Variants in ELN observed in about 807,000 individuals in gnomAD.
ELN encodes the protein tropoelastin.
A neutral mutation model predicts 105.8 loss-of-function variants in ELN; 65 were observed. That is an observed-to-expected ratio of 0.61 (90% CI 0.50 to 0.75). The LOEUF (loss-of-function observed/expected upper bound fraction) is 0.75, where lower values mean the gene tolerates loss of function less well. ELN is among the 30% of genes least tolerant of loss of function. The pLI, the probability that ELN is intolerant of heterozygous loss-of-function variation, is 0.00. For missense variants in ELN, 882 were observed against 969.4 expected, an observed-to-expected ratio of 0.91 and a Z score of 1.20; for synonymous variants, 368 against 389.2, an observed-to-expected ratio of 0.95 and a Z score of 0.64.
chr7:74,053,733 T>C (rs1307022675), intron 18 of ELN, among the ~76,000 whole-genome samples: 5 of 148,324 alleles, frequency 3.4e-5, no homozygotes, highest in Non-Finnish European at 7.4e-5. Flanking sequence ...GGTGGGTGGA[T>C]GGATGGATGG....
chr7:74,049,839 T>A (rs1427914320), intron 15 of ELN, among the ~76,000 whole-genome samples: 2 of 150,796 alleles, frequency 1.3e-5, no homozygotes, highest in Non-Finnish European at 3.0e-5. Flanking sequence ...TATCCATCCA[T>A]CCATTCATCC....
chr7:74,069,624 A>G lies in ELN; in HGVS notation c.*924A>G, dbSNP rs1175182962. 5 of 232,926 alleles carry G rather than the reference A, an allele frequency of 2.1e-5. No individual in the cohort carries two copies. The allele number at this position is 232,926 out of a possible 1,614,324, so 14.4% of individuals were successfully genotyped here. ...AGCAGTTCCCATTCCTGCCCCGCCC[A>G]TCTTTTTGTGTCTCGCTGTGATAGA... On this transcript the variant is annotated 3_prime_UTR_variant, in exon 33 of 33. Coordinates refer to ENST00000252034, the MANE Select transcript of ELN (RefSeq NM_000501.4).
At chr7:74,053,069 C>G (rs533244314) in intron 17 of ELN, 94 bp from the exon 18 acceptor site, 1 of 1,586,748 alleles carries the variant, frequency 6.3e-7, no homozygotes, top group South Asian at 1.1e-5. Context: ...ATCCTGCATT[C>G]AGGACCAACT....
chr7:74,041,354 G>A (rs1791177087), intron 5 of ELN, 103 bp downstream of exon 5: 1 of 1,472,074 alleles, frequency 6.8e-7, no homozygotes, highest in African/African-American at 1.4e-5. Context: ...GTGCAGGCCA[G>A]GTTCCGTCCT....
intron 1 of ELN, among the ~76,000 whole-genome samples, chr7:74,031,110 G>A (rs551501177): frequency 6.3e-4 from 96 of 152,314 alleles, no homozygotes; most frequent in Non-Finnish European, 1.2e-3. Flanking sequence ...CCCCAGGCTC[G>A]CTCCCAAACA....
intron 1 of ELN, among the ~76,000 whole-genome samples, chr7:74,029,255 G>A (rs1340562210): frequency 2.6e-5 from 4 of 152,082 alleles, no homozygotes; most frequent in Admixed American, 2.0e-4. Flanking sequence ...AAGGCGGGCT[G>A]GAGAAGGTGT....
intron 1 of ELN, among the ~76,000 whole-genome samples, chr7:74,030,279 G>T (rs1253001599): frequency 6.6e-6 from 1 of 152,160 alleles, no homozygotes; most frequent in Admixed American, 6.5e-5. Flanking sequence ...GGGGAGCCTG[G>T]CTTCTCCCTC....
rs1797278506 is a variant in ELN at position 74,063,825 on chromosome 7, A to T, written c.1993+130A>T. On this transcript the variant is annotated intron_variant, in intron 29 of 32. Transcript: ENST00000252034. The surrounding 1 kb of genome is among the most constrained non-coding windows in gnomAD (Gnocchi z 4.1). ...CTTTGCTCAAGATGTCCTCTTGGCCAGGTGCGGTGGCTCACGCCTGCAATC... is the reference window on the plus strand; with the variant it reads ...CTTTGCTCAAGATGTCCTCTTGGCCTGGTGCGGTGGCTCACGCCTGCAATC... 7.6e-7 allele frequency: 1 copy of T among 1,314,204 alleles called. No individual in the cohort carries two copies. The highest frequency in any genetic ancestry group is 1.1e-6 in the Non-Finnish European group (1 of 925,368). The allele number at this position is 1,314,204 out of a possible 1,614,324, so 81.4% of individuals were successfully genotyped here.
chr7:74,048,766 C>T (rs1246422147), intron 15 of ELN, among the ~76,000 whole-genome samples: 1 of 152,008 alleles, frequency 6.6e-6, no homozygotes, highest in Admixed American at 6.5e-5. Flanking sequence ...TTACTTTCTC[C>T]ATCCCTCCCT....
chr7:74,030,433 T>A (rs1788406831), intron 1 of ELN, among the ~76,000 whole-genome samples: 1 of 149,524 alleles, frequency 6.7e-6, no homozygotes, highest in African/African-American at 2.5e-5. Flanking sequence ...CCAGGGATAA[T>A]TCTTCCCCAT....
chr7:74,066,382 C>T (rs1473328030), intron 31 of ELN, among the ~76,000 whole-genome samples: 1 of 152,014 alleles, frequency 6.6e-6, no homozygotes, highest in Admixed American at 6.6e-5. Flanking sequence ...GTCTGGTCAA[C>T]ATGGTGAAAC....
Position 74,032,778 on chromosome 7 carries a change from G to T in ELN, c.83-2586G>T, listed in dbSNP as rs574067127. ...AGAAAGGAAGTCAGGGTTCAGCCAG[G>T]CCCAGGGGCTCAACAAGCCCAAGGC... On this transcript the variant is annotated intron_variant, in intron 1 of 32. Transcript: ENST00000252034. Among the ~76,000 whole-genome samples the T allele has an allele frequency of 7.2e-5, 11 of 152,268 alleles. 1 individual carries two copies. In the South Asian group the frequency reaches 2.3e-3, roughly 32 times the overall value.
chr7:74,029,731 C>T (rs1003488765), intron 1 of ELN, among the ~76,000 whole-genome samples: 2 of 152,232 alleles, frequency 1.3e-5, no homozygotes, highest in Admixed American at 6.5e-5. Context: ...TCTCAGCCTC[C>T]TCCCCAGGTG....
At chr7:74,055,407 A>G (rs1171047715) in intron 19 of ELN, among the ~76,000 whole-genome samples, 3 of 152,032 alleles carry the variant, frequency 2.0e-5, no homozygotes, top group Non-Finnish European at 2.9e-5. Flanking sequence ...AAGACCCCAT[A>G]AATAAAATAA....
At chr7:74,067,757 C>T (rs1196569224) in intron 32 of ELN, among the ~76,000 whole-genome samples, 2 of 140,906 alleles carry the variant, frequency 1.4e-5, no homozygotes, top group Admixed American at 7.0e-5. Flanking sequence ...AGCAAGACTC[C>T]GTCTCAAAAA....
rs1798669620 is a variant in ELN, at chr7:74,069,734, T to C, written c.*1034T>C. 1.7e-5 allele frequency: 4 copies of C among 229,510 alleles called. No individual in the cohort carries two copies. The highest frequency in any genetic ancestry group is 3.5e-5 in the Non-Finnish European group (4 of 115,814). 14.2% of individuals were successfully genotyped at this position (229,510 alleles called of 1,614,324 possible). ...TCTCTTTTGGTTTTATTGTTGTGGTTCATTGAAAAAAAAAGATAATTTTTT... is the reference window on the plus strand; with the variant it reads ...TCTCTTTTGGTTTTATTGTTGTGGTCCATTGAAAAAAAAAGATAATTTTTT... On this transcript the variant is annotated 3_prime_UTR_variant, in exon 33 of 33. Transcript: ENST00000252034.
rs981561187 is a variant in ELN, at chr7:74,068,314, A to G, written c.2132-343A>G. On this transcript the variant is annotated intron_variant, in intron 32 of 32. Coordinates refer to ENST00000252034, the MANE Select transcript of ELN (RefSeq NM_000501.4). ...CAGACACTGACTCTCCCTTCATCCCATGTTCCTTGATGGAGCTGCTCTTAG... is the reference window on the plus strand; with the variant it reads ...CAGACACTGACTCTCCCTTCATCCCGTGTTCCTTGATGGAGCTGCTCTTAG... Among the ~76,000 whole-genome samples, 31 of 152,004 alleles carry G rather than the reference A, an allele frequency of 2.0e-4. 1 individual carries two copies. The highest frequency in any genetic ancestry group is 1.0e-4 in the Non-Finnish European group (7 of 67,980).
chr7:74,044,585 C>T (rs911730582), intron 9 of ELN, among the ~76,000 whole-genome samples: 11 of 152,134 alleles, frequency 7.2e-5, no homozygotes, highest in African/African-American at 2.7e-4. Context: ...TGCAGGAGAC[C>T]CTAAAGAGCT....
chr7:74,057,884 G>C (rs991225518), intron 22 of ELN, among the ~76,000 whole-genome samples, 188 bp downstream of exon 22: 2 of 152,146 alleles, frequency 1.3e-5, no homozygotes, highest in African/African-American at 2.4e-5. Flanking sequence ...TGATGTTTCT[G>C]ATTAGGGGAG....
Sources: gnomAD v4.1 joint callset for allele counts (sites outside exome capture counted in the v4.1 genomes callset) on GRCh38, gnomAD v4.1.1 for gene constraint, Gnocchi (gnomAD v3.1) non-coding constraint, MANE v1.5 for transcripts, NCBI Gene and HGNC (gene_info 2026-07-23, HGNC 2026-07-21) for gene names.